Variants in BBS9 observed in about 807,000 individuals in gnomAD.
BBS9 encodes the protein protein PTHB1.
BBS9 carries 89 observed loss-of-function variants against 117.7 expected under a neutral mutation model. The observed-to-expected ratio is 0.76, with a 90% confidence interval of 0.64 to 0.90. The LOEUF is 0.90. Ranked by LOEUF, BBS9 falls within the 40% of genes least tolerant of loss-of-function variation. BBS9 has a pLI of 0.00. For missense variants in BBS9, 982 were observed against 1,042.2 expected (o/e 0.94, Z 0.80); for synonymous variants, 379 against 370.9 (o/e 1.02, Z -0.25).
intron 19 of BBS9, among the ~76,000 whole-genome samples, chr7:33,408,418 C>T (rs889110131): frequency 2.6e-4 from 40 of 152,096 alleles, no homozygotes; most frequent in African/African-American, 7.7e-4. Context: ...ACCCTGCTTT[C>T]GCTGGTGCAC....
At chr7:33,389,417 T>C (rs958745103) in intron 19 of BBS9, among the ~76,000 whole-genome samples, 4 of 152,130 alleles carry the variant, frequency 2.6e-5, no homozygotes, top group African/African-American at 9.7e-5. Context: ...AGGCTGGGCA[T>C]GGTGGCTCAC....
At chr7:33,208,127 G>T in intron 5 of BBS9, among the ~76,000 whole-genome samples, 1 of 152,084 alleles carries the variant, frequency 6.6e-6, no homozygotes, top group East Asian at 1.9e-4. Flanking sequence ...TAACTTAAAA[G>T]TCATGCATTC....
At chr7:33,627,224 T>A (rs7787326) in intron 21 of BBS9, among the ~76,000 whole-genome samples, 3 of 152,124 alleles carry the variant, frequency 2.0e-5, no homozygotes, top group Non-Finnish European at 4.4e-5. Flanking sequence ...AGGCTGCTGC[T>A]CCTGAGGGTG....
intron 21 of BBS9, among the ~76,000 whole-genome samples, chr7:33,545,260 T>C (rs980497941): frequency 1.3e-5 from 2 of 152,162 alleles, no homozygotes; most frequent in African/African-American, 4.8e-5. Context: ...AAAGTTCAGC[T>C]AGAGAATTCC....
intron 9 of BBS9, among the ~76,000 whole-genome samples, chr7:33,276,251 T>C (rs997625116): frequency 6.6e-6 from 1 of 152,232 alleles, no homozygotes; most frequent in Non-Finnish European, 1.5e-5. Context: ...CTAGACTCAA[T>C]TAACATAAAG....
intron 19 of BBS9, among the ~76,000 whole-genome samples, chr7:33,429,287 A>T (rs571397640): frequency 2.0e-5 from 3 of 152,220 alleles, no homozygotes; most frequent in South Asian, 4.2e-4. Flanking sequence ...TTGAAATAAA[A>T]AAAAAAAAAA....
chr7:33,568,676 C>G (rs1181592987), intron 21 of BBS9, among the ~76,000 whole-genome samples: 6 of 152,156 alleles, frequency 3.9e-5, no homozygotes, highest in Admixed American at 3.9e-4. Context: ...TTCAGAATTT[C>G]TCTTCTAACT....
intron 4 of BBS9, among the ~76,000 whole-genome samples, chr7:33,174,222 A>G (rs1216567897): frequency 6.6e-6 from 1 of 152,160 alleles, no homozygotes; most frequent in African/African-American, 2.4e-5. Flanking sequence ...AGAACTTACC[A>G]TGATCCCCAG....
intron 14 of BBS9, chr7:33,352,113 A>G (rs796163247): frequency 6.5e-6 from 1 of 152,700 alleles, no homozygotes; most frequent in South Asian, 2.1e-4. Context: ...TACCTCTATC[A>G]GTATGAATTA....
At chr7:33,440,216 TTTAAC>T (rs2128894987) in intron 19 of BBS9, among the ~76,000 whole-genome samples, 2 of 152,302 alleles carry the variant, frequency 1.3e-5, no homozygotes, top group South Asian at 2.1e-4. Flanking sequence ...AGTTGTGTAA[TTTAAC>T]TTATTTGAAG....
Position 33,525,371 on chromosome 7 carries a change from GT to G in BBS9, c.2299-8582del, listed in dbSNP as rs1359278332. 5.8e-4 allele frequency among the ~76,000 whole-genome samples: 67 copies of G among 115,212 alleles called. 1 individual carries two copies. Among genetic ancestry groups the G allele is most frequent in the African/African-American group, 2.2e-3 (64 of 29,298 alleles). 75.6% of individuals were successfully genotyped at this position (115,212 alleles called of 152,430 possible). ...GGTGTTAAAGTCTCCCATTATTAAT[GT>G]GTGGGAGTCTAAGTCTCTTTGTAGG... On this transcript the variant is annotated intron_variant, in intron 20 of 22. Coordinates refer to ENST00000242067, the MANE Select transcript of BBS9 (RefSeq NM_198428.3).
At chr7:33,505,822 C>T (rs1266993684) in intron 20 of BBS9, 177 bp downstream of exon 20, 1 of 669,060 alleles carries the variant, frequency 1.5e-6, no homozygotes, top group Non-Finnish European at 2.5e-6. Flanking sequence ...AGGCCTTTTT[C>T]TGTAGAGCTA....
At chr7:33,506,995 G>T (rs1259228441) in intron 20 of BBS9, among the ~76,000 whole-genome samples, 1 of 152,110 alleles carries the variant, frequency 6.6e-6, no homozygotes, top group Non-Finnish European at 1.5e-5. Flanking sequence ...TCAGTTATTG[G>T]TTCCACCACT....
chr7:33,226,963 T>A (rs111321685), intron 5 of BBS9, among the ~76,000 whole-genome samples: 2,382 of 152,216 alleles, frequency 0.016, 30 homozygotes, highest in Non-Finnish European at 0.021. Flanking sequence ...TGGAGATGAA[T>A]GGTGGTGGAT....
intron 12 of BBS9, chr7:33,346,486 A>T (rs909002823): frequency 2.2e-5 from 4 of 181,762 alleles, no homozygotes; most frequent in Non-Finnish European, 1.2e-5. Context: ...AGCATGGAAA[A>T]TTCTTGTATC....
intron 8 of BBS9, 134 bp downstream of exon 8, chr7:33,273,329 T>A: frequency 2.1e-6 from 2 of 973,634 alleles, no homozygotes; most frequent in Non-Finnish European, 3.1e-6. Context: ...ATGGAAATTT[T>A]AACTTTCAAA....
chr7:33,256,078 A>G (rs1797008807), intron 5 of BBS9, among the ~76,000 whole-genome samples: 1 of 152,080 alleles, frequency 6.6e-6, no homozygotes, highest in Non-Finnish European at 1.5e-5. Flanking sequence ...ACTTGAACCC[A>G]GGAGGTGGAG....
At chr7:33,246,813 G>A (rs12667345) in intron 5 of BBS9, among the ~76,000 whole-genome samples, 24,075 of 152,084 alleles carry the variant, frequency 0.16, 2,286 homozygotes, top group Non-Finnish European at 0.21. Flanking sequence ...ATGTGTGTGT[G>A]TTGGGGTGAG....
At chr7:33,618,237 C>G (rs1278154966) in intron 21 of BBS9, among the ~76,000 whole-genome samples, 1 of 151,928 alleles carries the variant, frequency 6.6e-6, no homozygotes, top group East Asian at 1.9e-4. Flanking sequence ...CATAGCTACT[C>G]TGGAGGCTGA....
Sources: gnomAD v4.1 joint callset for allele counts (sites outside exome capture counted in the v4.1 genomes callset) on GRCh38, gnomAD v4.1.1 for gene constraint, MANE v1.5 for transcripts, NCBI Gene and HGNC (gene_info 2026-07-23, HGNC 2026-07-21) for gene names.